Variants in UGGT2 observed in about 807,000 individuals in gnomAD.
The protein encoded by UGGT2 is UDP-glucose glycoprotein glucosyltransferase 2, also known as UDP-glucose:glycoprotein glucosyltransferase 2.
Under a neutral mutation model 192.1 loss-of-function variants are expected in UGGT2, and 180 were observed. The observed-to-expected ratio is 0.94, with a 90% CI of 0.83 to 1.06. UGGT2 has a LOEUF of 1.06. Ranked by LOEUF, UGGT2 falls within the 50% of genes least tolerant of loss-of-function variation. The pLI is 0.00. For missense variants in UGGT2, 1,849 were observed against 1,795.7 expected, an observed-to-expected ratio of 1.03 and a Z score of -0.54; for synonymous variants, 580 against 591.0, an observed-to-expected ratio of 0.98 and a Z score of 0.27.
intron 17 of UGGT2, among the ~76,000 whole-genome samples, chr13:95,931,701 T>C (rs1354959314): frequency 6.6e-6 from 1 of 151,906 alleles, no homozygotes; most frequent in Non-Finnish European, 1.5e-5. Flanking sequence ...CGCCCCTCAC[T>C]GCCCGGGCCG....
At chr13:95,915,866 C>T (rs1264309782) in intron 20 of UGGT2, among the ~76,000 whole-genome samples, 1 of 152,208 alleles carries the variant, frequency 6.6e-6, no homozygotes, top group African/African-American at 2.4e-5. Flanking sequence ...TTCAGCCACA[C>T]CAGCCAGGAT....
intron 16 of UGGT2, among the ~76,000 whole-genome samples, chr13:95,939,084 G>GTATATTCAGACCCCTTGC (rs2049568482): frequency 6.6e-6 from 1 of 152,124 alleles, no homozygotes. Context: ...ACAAGACCCT[G>GTATATTCAGACCCCTTGC]TATATTCAGA....
rs144281005 is a variant in UGGT2, at chr13:95,804,259, G to A, written c.4529-2447C>T. Among the ~76,000 whole-genome samples the A allele has an allele frequency of 2.1e-3, 322 of 152,202 alleles. 3 individuals carry two copies. Among genetic ancestry groups the A allele is most frequent in the African/African-American group, 7.3e-3 (302 of 41,542 alleles). On this transcript the variant is annotated intron_variant, in intron 38 of 38. Transcript: ENST00000376747. ...TAGGAATAAACCTAATCTAGGAGGTGATACATGTGTATACTGAAAATAACA... is the reference window on the plus strand; with the variant it reads ...TAGGAATAAACCTAATCTAGGAGGTAATACATGTGTATACTGAAAATAACA...
At chr13:96,026,364 T>C (rs1274158351) in intron 2 of UGGT2, among the ~76,000 whole-genome samples, 1 of 152,150 alleles carries the variant, frequency 6.6e-6, no homozygotes, top group Non-Finnish European at 1.5e-5. Context: ...AAAGTCTGAT[T>C]GTGAGCTCTA....
intron 15 of UGGT2, 93 bp downstream of exon 15, chr13:95,946,944 G>T: frequency 7.8e-7 from 1 of 1,277,306 alleles, no homozygotes; most frequent in South Asian, 1.8e-5. Flanking sequence ...TACAATAAAT[G>T]TAATGCAAAA....
intron 36 of UGGT2, among the ~76,000 whole-genome samples, chr13:95,847,718 T>C (rs1249203293): frequency 6.6e-6 from 1 of 152,224 alleles, no homozygotes; most frequent in East Asian, 1.9e-4. Context: ...AAAGACATCT[T>C]GGTTGGCTGC....
At position 95,991,708 on chromosome 13, in the gene UGGT2, GATT is replaced by G. The variant is rs559636079; in HGVS notation, c.831-1638_831-1636del. ...CTTTTTCAATATTTTTAAGTTATCAGATTATAAGTTTATAAGAGCTACTATACC... is the reference window on the plus strand; with the variant it reads ...CTTTTTCAATATTTTTAAGTTATCAGATAAGTTTATAAGAGCTACTATACC... On this transcript the variant is annotated intron_variant, in intron 7 of 38. Transcript: ENST00000376747. Among the ~76,000 whole-genome samples, 16 of 152,168 alleles carry G rather than the reference GATT, an allele frequency of 1.1e-4. No individual in the cohort carries two copies. The South Asian group carries it at 3.3e-3, about 32-fold the overall frequency.
At chr13:95,922,090 C>T (rs1050989111) in intron 20 of UGGT2, among the ~76,000 whole-genome samples, 2 of 151,738 alleles carry the variant, frequency 1.3e-5, no homozygotes, top group African/African-American at 2.4e-5. Context: ...GAATACTACA[C>T]AATATGTGCA....
chr13:95,900,729 G>C, intron 22 of UGGT2, 78 bp downstream of exon 22: 1 of 1,434,122 alleles, frequency 7.0e-7, no homozygotes, highest in South Asian at 1.5e-5. Flanking sequence ...TCACATCAGG[G>C]GAATTGTGAC....
intron 7 of UGGT2, among the ~76,000 whole-genome samples, chr13:95,994,927 GA>G (rs1368453657): frequency 6.6e-6 from 1 of 152,092 alleles, no homozygotes. Flanking sequence ...GGTAAAAGGA[GA>G]AAAACATGCA....
intron 27 of UGGT2, among the ~76,000 whole-genome samples, 175 bp from the exon 28 acceptor site, chr13:95,878,031 A>G (rs1291880856): frequency 1.3e-5 from 2 of 152,080 alleles, no homozygotes; most frequent in East Asian, 3.9e-4. Flanking sequence ...TCAAGACAAA[A>G]AGCTTATGAT....
rs140970427 is a variant in UGGT2, at chr13:95,864,651, C to T, written c.3559-937G>A. Among the ~76,000 whole-genome samples, 1,182 of 152,238 alleles carry T rather than the reference C, an allele frequency of 7.8e-3. 7 individuals carry two copies. The highest frequency in any genetic ancestry group is 0.024 in the South Asian group (117 of 4,822). On this transcript the variant is annotated intron_variant, in intron 30 of 38. Transcript: ENST00000376747. Reference sequence around the variant, plus strand: ...ACAAATATGTCTTCTTTATCACAGACATAATCTTTTCCAGTTTATTACTCA... The same window carrying T: ...ACAAATATGTCTTCTTTATCACAGATATAATCTTTTCCAGTTTATTACTCA...
intron 22 of UGGT2, 60 bp from the exon 23 acceptor site, chr13:95,895,364 A>C: frequency 9.7e-7 from 1 of 1,033,594 alleles, no homozygotes; most frequent in East Asian, 3.0e-5. Flanking sequence ...TTTAGGAAAA[A>C]CATTTCCTCA....
chr13:95,892,265 T>C (rs2047823220), intron 24 of UGGT2, among the ~76,000 whole-genome samples: 1 of 152,142 alleles, frequency 6.6e-6, no homozygotes, highest in South Asian at 2.1e-4. Flanking sequence ...TGATTATACA[T>C]GTACAAGACA....
rs118048592 is a variant in UGGT2 at position 95,801,747 on chromosome 13, G to A, written c.*43C>T. ...TCCAGACTTCCCCAGCAGGCGGCAG[G>A]TTTCCTGTCATGCTTTCGCCTTCCT... On this transcript the variant is annotated 3_prime_UTR_variant, in exon 39 of 39. Transcript: ENST00000376747. 31,069 of 1,607,826 alleles carry A rather than the reference G, an allele frequency of 0.019. 372 individuals are homozygous for A. The highest frequency in any genetic ancestry group is 0.024 in the Non-Finnish European group (28,178 of 1,177,130).
intron 31 of UGGT2, among the ~76,000 whole-genome samples, chr13:95,861,748 C>T (rs1890189440): frequency 2.0e-5 from 3 of 151,922 alleles, no homozygotes; most frequent in African/African-American, 4.8e-5. Context: ...ATTGTTATGA[C>T]AGAAGTATTT....
At chr13:95,931,654 CCCA>C (rs1246174610) in intron 17 of UGGT2, among the ~76,000 whole-genome samples, 5 of 152,106 alleles carry the variant, frequency 3.3e-5, no homozygotes, top group African/African-American at 1.2e-4. Context: ...ACAGTGCTGG[CCCA>C]GCGCACCCTC....
chr13:95,996,316 A>T (rs905246449), intron 6 of UGGT2, among the ~76,000 whole-genome samples, 181 bp from the exon 7 acceptor site: 4 of 152,072 alleles, frequency 2.6e-5, no homozygotes, highest in African/African-American at 4.8e-5. Flanking sequence ...AGCCTGACCA[A>T]CACAGTGAAA....
chr13:95,959,086 C>T (rs1373233085), intron 12 of UGGT2, among the ~76,000 whole-genome samples: 5 of 152,186 alleles, frequency 3.3e-5, no homozygotes, highest in Non-Finnish European at 7.3e-5. Flanking sequence ...TGTGTCCTGC[C>T]CTGGGGCCTA....
Sources: gnomAD v4.1 joint callset for allele counts (sites outside exome capture counted in the v4.1 genomes callset) on GRCh38, gnomAD v4.1.1 for gene constraint, MANE v1.5 for transcripts, NCBI Gene and HGNC (gene_info 2026-07-23, HGNC 2026-07-21) for gene names.